STPG2: variants seen among roughly 807,000 people sequenced by gnomAD.
STPG2 encodes the protein sperm tail PG-rich repeat containing 2.
A neutral mutation model predicts 54.2 loss-of-function variants in STPG2; 56 were observed. The observed-to-expected ratio is 1.03, with a 90% CI of 0.83 to 1.29. The LOEUF is 1.29. STPG2 is among the 50% of genes most tolerant of loss of function. STPG2 has a pLI of 0.00. For synonymous variants in STPG2, 200 were observed against 181.8 expected (o/e 1.10, Z -0.81); for missense variants, 596 against 544.9 (o/e 1.09, Z -0.93).
At chr4:97,836,577 T>G (rs1271088674) in intron 9 of STPG2, among the ~76,000 whole-genome samples, 1 of 151,834 alleles carries the variant, frequency 6.6e-6, no homozygotes, top group African/African-American at 2.4e-5. Context: ...TGCCAAGGTA[T>G]GCCTTTATTA....
chr4:97,810,802 C>A (rs1727711777), intron 9 of STPG2, among the ~76,000 whole-genome samples: 1 of 152,108 alleles, frequency 6.6e-6, no homozygotes, highest in Non-Finnish European at 1.5e-5. Flanking sequence ...GAAAGCTATT[C>A]TTTACAAAAA....
At chr4:97,853,953 G>A (rs1729249615) in intron 8 of STPG2, among the ~76,000 whole-genome samples, 1 of 151,936 alleles carries the variant, frequency 6.6e-6, no homozygotes, top group Non-Finnish European at 1.5e-5. Flanking sequence ...AACTAATTTG[G>A]GGCTTTTTGT....
At chr4:97,600,738 A>G (rs1209136824) in intron 10 of STPG2, among the ~76,000 whole-genome samples, 1 of 152,180 alleles carries the variant, frequency 6.6e-6, no homozygotes, top group African/African-American at 2.4e-5. Flanking sequence ...AGTGGGGGAA[A>G]GTTCAAAAAT....
chr4:98,091,484 A>G (rs1358961216), intron 5 of STPG2, among the ~76,000 whole-genome samples: 1 of 152,036 alleles, frequency 6.6e-6, no homozygotes, highest in African/African-American at 2.4e-5. Context: ...TAACTCTAAC[A>G]CACTTTAGAA....
chr4:97,905,415 T>G (rs545542277), intron 8 of STPG2, among the ~76,000 whole-genome samples: 1 of 151,942 alleles, frequency 6.6e-6, no homozygotes, highest in South Asian at 2.1e-4. Flanking sequence ...CTGAGAGATT[T>G]TGTCACCACC....
At chr4:97,664,900 G>A (rs956578175) in intron 10 of STPG2, among the ~76,000 whole-genome samples, 2 of 151,944 alleles carry the variant, frequency 1.3e-5, no homozygotes, top group African/African-American at 4.8e-5. Context: ...AGAGTGGCGA[G>A]GGGTGTGTGA....
rs150991401 is a variant in STPG2, at chr4:97,482,966, T to C, written c.462+229733A>G. Among the ~76,000 whole-genome samples, 727 of 151,738 alleles carry C rather than the reference T, an allele frequency of 4.8e-3. 3 individuals are homozygous for C. The highest frequency in any genetic ancestry group is 0.017 in the African/African-American group (689 of 41,466). On this transcript the variant is annotated intron_variant, in intron 4 of 4. Coordinates refer to the STPG2 transcript ENST00000522676. ...TTGTATCCAGCAAAACTAAGTATCA[T>C]ATATGAAGAAAAGATACAGTCTTTT...
chr4:98,025,908 A>G, intron 5 of STPG2: 4 of 1,533,122 alleles, frequency 2.6e-6, no homozygotes, highest in Non-Finnish European at 3.6e-6. Flanking sequence ...TCTATCCCTC[A>G]CAGTACCAAA....
intron 9 of STPG2, among the ~76,000 whole-genome samples, chr4:97,713,555 C>T (rs1001291122): frequency 1.3e-5 from 2 of 152,178 alleles, no homozygotes; most frequent in Non-Finnish European, 2.9e-5. Flanking sequence ...AAAGTAAATT[C>T]TGGCAGATTC....
intron 10 of STPG2, among the ~76,000 whole-genome samples, chr4:97,617,723 GAA>G (rs1465708524): frequency 2.6e-5 from 4 of 152,086 alleles, no homozygotes; most frequent in Non-Finnish European, 5.9e-5. Flanking sequence ...AAGTGAAAAA[GAA>G]AGTGATACAC....
At chr4:97,974,976 A>G (rs1032231859) in intron 6 of STPG2, among the ~76,000 whole-genome samples, 1 of 152,212 alleles carries the variant, frequency 6.6e-6, no homozygotes, top group Non-Finnish European at 1.5e-5. Flanking sequence ...CAGCAATAAA[A>G]AAGAAAGACA....
intron 8 of STPG2, among the ~76,000 whole-genome samples, chr4:97,906,836 T>C (rs189131424): frequency 3.6e-4 from 55 of 152,328 alleles, no homozygotes; most frequent in African/African-American, 1.3e-3. Flanking sequence ...CTAAAAATTC[T>C]CAATAAATTA....
At chr4:97,840,323 T>C (rs1728759568) in intron 9 of STPG2, among the ~76,000 whole-genome samples, 1 of 151,660 alleles carries the variant, frequency 6.6e-6, no homozygotes, top group Non-Finnish European at 1.5e-5. Flanking sequence ...TGAATGACTT[T>C]ATTAGCTTTA....
chr4:97,878,692 G>C (rs1164474393), intron 8 of STPG2, among the ~76,000 whole-genome samples: 1 of 152,154 alleles, frequency 6.6e-6, no homozygotes, highest in African/African-American at 2.4e-5. Context: ...GGTCTGTGAT[G>C]GGAGGGGCTG....
intron 10 of STPG2, among the ~76,000 whole-genome samples, chr4:97,583,267 A>C (rs1174519244): frequency 6.6e-6 from 1 of 151,982 alleles, no homozygotes; most frequent in African/African-American, 2.4e-5. Context: ...GTAGCAATGG[A>C]AGAGGTGTTT....
intron 8 of STPG2, among the ~76,000 whole-genome samples, chr4:97,934,267 C>T (rs1450481112): frequency 6.6e-6 from 1 of 152,152 alleles, no homozygotes; most frequent in East Asian, 1.9e-4. Context: ...TGGGCTGAGA[C>T]AATGTGGTTT....
At position 97,649,829 on chromosome 4, in the gene STPG2, C is replaced by T. The variant is rs545750434; in HGVS notation, c.1320+62870G>A. The stretch of plus-strand genomic sequence containing the variant: ...CAAGTTTTCCACAGACCAGGGGGGA[C>T]GGCATGGTTTCAGGATGATTCGAGC... On this transcript the variant is annotated intron_variant, in intron 10 of 10. Coordinates refer to ENST00000295268, the MANE Select transcript of STPG2 (RefSeq NM_174952.3). Among the ~76,000 whole-genome samples the T allele has an allele frequency of 5.3e-5, 8 of 152,124 alleles. No homozygotes were observed. The East Asian group carries it at 7.8e-4, about 15-fold the overall frequency.
chr4:97,962,393 A>C (rs189304725), intron 7 of STPG2, among the ~76,000 whole-genome samples: 1 of 152,316 alleles, frequency 6.6e-6, no homozygotes, highest in South Asian at 2.1e-4. Context: ...CAAATGGACC[A>C]ATACAATACA....
chr4:97,851,634 C>T (rs545847869), intron 8 of STPG2, among the ~76,000 whole-genome samples: 19 of 152,138 alleles, frequency 1.2e-4, no homozygotes, highest in Middle Eastern at 6.8e-3. Flanking sequence ...ATCTCAGAAA[C>T]GATATAGAAG....
Sources: gnomAD v4.1 joint callset for allele counts (sites outside exome capture counted in the v4.1 genomes callset) on GRCh38, gnomAD v4.1.1 for gene constraint, MANE v1.5 for transcripts, NCBI Gene and HGNC (gene_info 2026-07-23, HGNC 2026-07-21) for gene names.